The following TBC1D32 variants were observed in gnomAD, a reference collection of about 807,000 sequenced individuals.
TBC1D32 encodes the protein TBC1 domain family member 32, also known as protein broad-minded.
TBC1D32 carries 151 observed loss-of-function variants against 170.3 expected under a neutral mutation model. The ratio of observed to expected loss-of-function variants is 0.89; its 90% confidence interval spans 0.78 to 1.01. TBC1D32 has a LOEUF of 1.01. Ranked by LOEUF, TBC1D32 falls within the 50% of genes least tolerant of loss-of-function variation. The pLI is 0.00. For missense variants in TBC1D32, 1,464 were observed against 1,457.1 expected (o/e 1.00, Z -0.08); for synonymous variants, 498 against 488.0 (o/e 1.02, Z -0.27).
At chr6:121,305,711 C>G (rs1314927897) in intron 5 of TBC1D32, among the ~76,000 whole-genome samples, 1 of 152,022 alleles carries the variant, frequency 6.6e-6, no homozygotes, top group Non-Finnish European at 1.5e-5. Context: ...AGGTATCTGT[C>G]ATACTTTTCA....
intron 17 of TBC1D32, among the ~76,000 whole-genome samples, chr6:121,242,753 T>C (rs1210004406): frequency 3.3e-5 from 5 of 152,116 alleles, no homozygotes; most frequent in Non-Finnish European, 7.4e-5. Context: ...AAGCACGTGA[T>C]AGATATTATC....
chr6:121,284,961 A>C (rs1452764535), intron 12 of TBC1D32, among the ~76,000 whole-genome samples: 1 of 152,188 alleles, frequency 6.6e-6, no homozygotes, highest in Non-Finnish European at 1.5e-5. Context: ...AGAGATGTAT[A>C]TAAGGCAATG....
chr6:121,247,695 C>CAAAAAAAAAAAAAAA lies in TBC1D32; in HGVS notation c.2019-5371_2019-5357dup, dbSNP rs34914027. 2.2e-3 allele frequency among the ~76,000 whole-genome samples: 104 copies of CAAAAAAAAAAAAAAA among 46,554 alleles called. 2 individuals are homozygous for CAAAAAAAAAAAAAAA. The highest frequency in any genetic ancestry group is 7.7e-3 in the African/African-American group (75 of 9,784). 30.5% of individuals were successfully genotyped at this position (46,554 alleles called of 152,430 possible). The stretch of plus-strand genomic sequence containing the variant: ...ATATCAGATAAAACAGGCTTTAAAG[C>CAAAAAAAAAAAAAAA]AAAAAAAAAAAAAAAAAAAAAAAGA... On this transcript the variant is annotated intron_variant, in intron 17 of 31. Transcript: ENST00000398212.
chr6:121,324,036 T>C (rs2128506155), intron 1 of TBC1D32, among the ~76,000 whole-genome samples: 1 of 152,254 alleles, frequency 6.6e-6, no homozygotes, highest in African/African-American at 2.4e-5. Context: ...ATATGATAGG[T>C]AAAATAGATG....
At chr6:121,157,898 T>A (rs1164285150) in intron 24 of TBC1D32, among the ~76,000 whole-genome samples, 1 of 152,172 alleles carries the variant, frequency 6.6e-6, no homozygotes, top group Non-Finnish European at 1.5e-5. Context: ...GTTCCCTTTG[T>A]AGGTGACCCA....
At chr6:121,199,850 G>C (rs968896944) in intron 22 of TBC1D32, among the ~76,000 whole-genome samples, 2 of 151,204 alleles carry the variant, frequency 1.3e-5, no homozygotes, top group Non-Finnish European at 2.9e-5. Context: ...ACTAACATTT[G>C]GCTATGTTTG....
At chr6:121,312,083 C>A (rs992245568) in intron 3 of TBC1D32, among the ~76,000 whole-genome samples, 3 of 152,082 alleles carry the variant, frequency 2.0e-5, no homozygotes, top group African/African-American at 7.2e-5. Context: ...AAATCATCAT[C>A]TGTCTTGGAA....
At chr6:121,315,537 A>C (rs1413505648) in intron 3 of TBC1D32, among the ~76,000 whole-genome samples, 1 of 152,188 alleles carries the variant, frequency 6.6e-6, no homozygotes, top group Non-Finnish European at 1.5e-5. Flanking sequence ...CAATTTTTTA[A>C]GTAATAACAA....
In TBC1D32 at chr6:121,108,813, C is replaced by T. The variant is rs143003902; in HGVS notation, c.3325-2650G>A. On this transcript the variant is annotated intron_variant, in intron 29 of 31. Coordinates refer to ENST00000398212, the MANE Select transcript of TBC1D32 (RefSeq NM_152730.6). ...TAGAAAGATTTGAAACTCTCCAATT[C>T]AAATGGATTCAGTCTAGTCTGGTCC... Among the ~76,000 whole-genome samples the T allele has an allele frequency of 9.3e-4, 142 of 152,146 alleles. 1 individual carries two copies. The highest frequency in any genetic ancestry group is 3.3e-3 in the African/African-American group (136 of 41,538).
chr6:121,105,673 A>C (rs1778607075), intron 30 of TBC1D32, among the ~76,000 whole-genome samples: 1 of 151,978 alleles, frequency 6.6e-6, no homozygotes, highest in Non-Finnish European at 1.5e-5. Context: ...TTTTTGTTAG[A>C]TAAGACACAG....
At chr6:121,118,253 C>A (rs1018371663) in intron 26 of TBC1D32, among the ~76,000 whole-genome samples, 2 of 152,096 alleles carry the variant, frequency 1.3e-5, no homozygotes, top group Non-Finnish European at 2.9e-5. Context: ...AGAGATAGCT[C>A]CCACTCCCTG....
At chr6:121,100,176 T>C (rs1777861315) in intron 30 of TBC1D32, among the ~76,000 whole-genome samples, 1 of 152,008 alleles carries the variant, frequency 6.6e-6, no homozygotes, top group African/African-American at 2.4e-5. Context: ...TGAAGAGTGC[T>C]TTACTTCCAA....
In TBC1D32 at chr6:121,084,198, C is replaced by G. The variant is rs553308721; in HGVS notation, c.3655-3308G>C. Among the ~76,000 whole-genome samples the G allele has an allele frequency of 5.6e-4, 85 of 152,178 alleles. 1 individual carries two copies. Among genetic ancestry groups the G allele is most frequent in the Middle Eastern group, 3.4e-3 (1 of 294 alleles). ...TAGAAATAGAATAAGGTCTACAATACTTAAGATATTATGTATTTGTTCATT... is the reference window on the plus strand; with the variant it reads ...TAGAAATAGAATAAGGTCTACAATAGTTAAGATATTATGTATTTGTTCATT... On this transcript the variant is annotated intron_variant, in intron 31 of 31. Transcript: ENST00000398212.
intron 29 of TBC1D32, among the ~76,000 whole-genome samples, chr6:121,109,295 CT>C (rs1778987963): frequency 6.6e-6 from 1 of 152,130 alleles, no homozygotes; most frequent in African/African-American, 2.4e-5. Flanking sequence ...AGTGATTACC[CT>C]ACATTATAAC....
intron 13 of TBC1D32, 105 bp downstream of exon 13, chr6:121,283,713 C>A: frequency 2.6e-6 from 2 of 768,592 alleles, no homozygotes; most frequent in Non-Finnish European, 2.1e-6. Context: ...CTTAATGAAA[C>A]CTACTTACCA....
At chr6:121,180,504 C>T (rs1297594618) in intron 22 of TBC1D32, among the ~76,000 whole-genome samples, 3 of 152,174 alleles carry the variant, frequency 2.0e-5, no homozygotes, top group African/African-American at 4.8e-5. Context: ...GGGGAAGAAA[C>T]ACTCTCTAAT....
At chr6:121,260,857 G>A (rs143554927) in intron 15 of TBC1D32, among the ~76,000 whole-genome samples, 64 of 152,282 alleles carry the variant, frequency 4.2e-4, no homozygotes, top group Non-Finnish European at 6.5e-4. Flanking sequence ...ACACTGCTGC[G>A]GCTAGCTACC....
chr6:121,316,699 C>T (rs1030566164), intron 3 of TBC1D32, among the ~76,000 whole-genome samples: 3 of 152,118 alleles, frequency 2.0e-5, no homozygotes, highest in African/African-American at 4.8e-5. Context: ...TCATGCAGTC[C>T]CAACTTGACC....
intron 30 of TBC1D32, among the ~76,000 whole-genome samples, chr6:121,103,746 A>G (rs1180800126): frequency 6.6e-6 from 1 of 151,886 alleles, no homozygotes; most frequent in Admixed American, 6.6e-5. Flanking sequence ...ACAAAAGAGT[A>G]TATGGTAGAG....
Sources: gnomAD v4.1 joint callset for allele counts (sites outside exome capture counted in the v4.1 genomes callset) on GRCh38, gnomAD v4.1.1 for gene constraint, MANE v1.5 for transcripts, NCBI Gene and HGNC (gene_info 2026-07-23, HGNC 2026-07-21) for gene names.